REPS1: variants seen among roughly 807,000 people sequenced by gnomAD.
The protein encoded by REPS1 is ralBP1-associated Eps domain-containing protein 1.
In REPS1, 39 loss-of-function variants were observed where a neutral mutation model predicts 100.9. The ratio of observed to expected loss-of-function variants is 0.39; its 90% CI spans 0.30 to 0.50. REPS1 has a LOEUF of 0.50. REPS1 is among the 20% of genes least tolerant of loss of function. The pLI, the probability that REPS1 is intolerant of heterozygous loss-of-function variation, is 0.86. For missense variants in REPS1, 821 were observed against 968.5 expected, an observed-to-expected ratio of 0.85 and a Z score of 2.02; for synonymous variants, 324 against 340.3, an observed-to-expected ratio of 0.95 and a Z score of 0.53.
intron 4 of REPS1, among the ~76,000 whole-genome samples, chr6:138,945,017 C>T (rs1486483694): frequency 6.6e-6 from 1 of 152,154 alleles, no homozygotes; most frequent in African/African-American, 2.4e-5. Context: ...GAGGCAACTC[C>T]TGAAGGAATA....
intron 4 of REPS1, 61 bp from the exon 5 acceptor site, chr6:138,944,683 TTTCTTTCCAAC>T: frequency 6.5e-7 from 1 of 1,528,234 alleles, no homozygotes; most frequent in Admixed American, 2.0e-5. Context: ...ACTAGGAAGT[TTTCTTTCCAAC>T]TCTTACTCTG....
At chr6:138,976,253 A>G (rs1784598448) in intron 1 of REPS1, among the ~76,000 whole-genome samples, 1 of 152,226 alleles carries the variant, frequency 6.6e-6, no homozygotes, top group Non-Finnish European at 1.5e-5. Context: ...ATTTCCACGT[A>G]CAACATTTTG....
rs1582729325 is a variant in REPS1, at chr6:138,920,220, G to A, written c.1523C>T (p.Thr508Ile). Residue 508 changes from threonine (T) to isoleucine (I), a missense_variant, in exon 12 of 20, where the codon ACT becomes ATT. Physicochemically the swap from Thr to Ile is moderately conservative, Grantham distance 89. Transcript: ENST00000450536. ...AGATGTAATACTTCACTTACCTACA[G>A]TATTACCAGAAGCGAATTTCACCGA... The part of the protein sequence containing the change: ...NSSVKFASGN[T>I]VADGYSSSDS... 6.6e-7 allele frequency: 1 copy of A among 1,522,032 alleles called. No homozygotes were observed. Among genetic ancestry groups the A allele is most frequent in the East Asian group, 2.3e-5 (1 of 44,374 alleles). The allele number at this position is 1,522,032 out of a possible 1,614,324, so 94.3% of individuals were successfully genotyped here.
At chr6:138,981,111 G>A (rs1784925872) in intron 1 of REPS1, among the ~76,000 whole-genome samples, 1 of 152,210 alleles carries the variant, frequency 6.6e-6, no homozygotes, top group African/African-American at 2.4e-5. Flanking sequence ...GCAAAATTCT[G>A]TGGAACTATG....
chr6:138,982,181 G>T (rs1305691324), intron 1 of REPS1, among the ~76,000 whole-genome samples: 5 of 152,154 alleles, frequency 3.3e-5, no homozygotes, highest in Non-Finnish European at 7.4e-5. Flanking sequence ...ACAGAAATGA[G>T]CTCTGCTTTC....
intron 1 of REPS1, among the ~76,000 whole-genome samples, chr6:138,956,980 GATAAA>G (rs1783431391): frequency 6.6e-6 from 1 of 151,194 alleles, no homozygotes. Flanking sequence ...AACACTAGAA[GATAAA>G]ATAGAGAAAA....
At chr6:138,927,258 G>C (rs1285901085) in intron 9 of REPS1, 1 of 151,938 alleles carries the variant, frequency 6.6e-6, no homozygotes, top group African/African-American at 2.4e-5. Flanking sequence ...GATGTATTTT[G>C]ATATGAAATA....
At chr6:138,910,699 T>C (rs1779948357) in intron 17 of REPS1, among the ~76,000 whole-genome samples, 1 of 152,120 alleles carries the variant, frequency 6.6e-6, no homozygotes, top group East Asian at 1.9e-4. Flanking sequence ...TATTCCTTTA[T>C]AGCAATGCAG....
chr6:138,923,927 C>T (rs1325958803), intron 10 of REPS1, among the ~76,000 whole-genome samples: 42 of 149,254 alleles, frequency 2.8e-4, no homozygotes, highest in Admixed American at 2.8e-3. Context: ...GTTTTTCCCC[C>T]CAGGTGATTC....
chr6:138,977,947 G>A (rs1784690235), intron 1 of REPS1, among the ~76,000 whole-genome samples: 1 of 152,246 alleles, frequency 6.6e-6, no homozygotes. Context: ...TGGTCAGTGT[G>A]TGATAGTATA....
At chr6:138,936,269 T>C (rs895079129) in intron 8 of REPS1, among the ~76,000 whole-genome samples, 1 of 152,108 alleles carries the variant, frequency 6.6e-6, no homozygotes, top group African/African-American at 2.4e-5. Context: ...CATAGCTTAC[T>C]GTAACCTCGA....
intron 18 of REPS1, among the ~76,000 whole-genome samples, chr6:138,907,998 GA>G (rs145185032): frequency 6.6e-6 from 1 of 151,912 alleles, no homozygotes; most frequent in Non-Finnish European, 1.5e-5. Context: ...CTACAAAAAA[GA>G]AAAAGTCATT....
intron 19 of REPS1, 100 bp downstream of exon 19, chr6:138,907,395 A>C (rs1779731828): frequency 1.3e-6 from 1 of 753,022 alleles, no homozygotes; most frequent in Non-Finnish European, 2.2e-6. Context: ...AGAGAAGAGA[A>C]CCATATATGT....
rs1261541383 is a variant in REPS1, at chr6:138,930,194, C to G, written c.1136-96G>C. On this transcript the variant is annotated intron_variant, in intron 8 of 19. Coordinates refer to ENST00000450536, the MANE Select transcript of REPS1 (RefSeq NM_001286611.2). Reference sequence around the variant, plus strand: ...TAAAAAAAAGCCAACCGATGATTTTCATAAGTAGTAATATATAATCTAAAT... The same window carrying G: ...TAAAAAAAAGCCAACCGATGATTTTGATAAGTAGTAATATATAATCTAAAT... The G allele has an allele frequency of 8.4e-6, 8 of 954,002 alleles. No individual in the cohort carries two copies. In the African/African-American group the frequency reaches 1.3e-4, roughly 16 times the overall value. The allele number at this position is 954,002 out of a possible 1,614,324, so 59.1% of individuals were successfully genotyped here.
In REPS1 at chr6:138,920,231, A is replaced by G; in HGVS notation, c.1512T>C (p.Ala504=). 1.3e-6 allele frequency: 2 copies of G among 1,570,570 alleles called. No individual in the cohort carries two copies. The highest frequency in any genetic ancestry group is 8.8e-7 in the Non-Finnish European group (1 of 1,140,474). Residue 504 remains alanine, a synonymous_variant, in exon 12 of 20, where the codon GCT becomes GCC. Coordinates refer to ENST00000450536, the MANE Select transcript of REPS1 (RefSeq NM_001286611.2). ...TTCACTTACCTACAGTATTACCAGA[A>G]GCGAATTTCACCGATGAATTTATCT... ...ENKINSSVKF[A]SGNTVADGYS...
intron 14 of REPS1, chr6:138,914,974 T>C (rs1422137259): frequency 3.8e-6 from 2 of 531,068 alleles, no homozygotes; most frequent in Non-Finnish European, 3.3e-6. Flanking sequence ...TTCTTACCTC[T>C]ATTACATGAA....
chr6:138,931,315 C>T (rs893160380), intron 8 of REPS1, among the ~76,000 whole-genome samples: 4 of 152,120 alleles, frequency 2.6e-5, no homozygotes, highest in African/African-American at 4.8e-5. Context: ...CTAATACATA[C>T]GGGCACTCAG....
chr6:138,907,614 G>C lies in REPS1; in HGVS notation c.2217-14C>G. The C allele has an allele frequency of 6.5e-7, 1 of 1,543,484 alleles. No individual in the cohort carries two copies. The highest frequency in any genetic ancestry group is 1.7e-5 in the Admixed American group (1 of 58,888). ...TTCCCAACAGATCTGAGAAGATAAA[G>C]AAGGCAAAAAAACCCATAACCTTCA... On this transcript the variant is annotated splice_polypyrimidine_tract_variant and intron_variant, in intron 18 of 19. Coordinates refer to ENST00000450536, the MANE Select transcript of REPS1 (RefSeq NM_001286611.2).
chr6:138,927,775 A>C (rs1178932884), intron 9 of REPS1: 1 of 152,240 alleles, frequency 6.6e-6, no homozygotes, highest in Non-Finnish European at 1.5e-5. Flanking sequence ...TTCATGAATT[A>C]AGAATCCCAC....
Sources: gnomAD v4.1 joint callset for allele counts (sites outside exome capture counted in the v4.1 genomes callset) on GRCh38, gnomAD v4.1.1 for gene constraint, MANE v1.5 for transcripts, NCBI Gene and HGNC (gene_info 2026-07-23, HGNC 2026-07-21) for gene names.